The following EDIL3 variants were observed in gnomAD, a reference collection of about 807,000 sequenced individuals.
EDIL3 encodes EGF like and discoidin domains 3.
Under a neutral mutation model 67.4 loss-of-function variants are expected in EDIL3, and 37 were observed. The ratio of observed to expected loss-of-function variants is 0.55; its 90% confidence interval spans 0.42 to 0.72. EDIL3 has a LOEUF of 0.72. Ranked by LOEUF, EDIL3 falls within the 30% of genes least tolerant of loss-of-function variation. EDIL3 has a pLI of 0.00. For missense variants in EDIL3, 527 were observed against 586.3 expected, an observed-to-expected ratio of 0.90 and a Z score of 1.04; for synonymous variants, 195 against 196.3, an observed-to-expected ratio of 0.99 and a Z score of 0.05.
chr5:83,977,396 C>T (rs932917094), intron 9 of EDIL3, among the ~76,000 whole-genome samples: 1 of 151,776 alleles, frequency 6.6e-6, no homozygotes, highest in African/African-American at 2.4e-5. Flanking sequence ...GGAAGATTCT[C>T]AATCAATTTT....
intron 3 of EDIL3, among the ~76,000 whole-genome samples, chr5:84,216,796 T>C (rs1744234777): frequency 6.6e-6 from 1 of 152,234 alleles, no homozygotes; most frequent in Non-Finnish European, 1.5e-5. Flanking sequence ...AGATTTCCTG[T>C]GCAGTCCCTA....
At chr5:84,213,687 T>C (rs1744173850) in intron 3 of EDIL3, among the ~76,000 whole-genome samples, 2 of 152,200 alleles carry the variant, frequency 1.3e-5, no homozygotes, top group African/African-American at 4.8e-5. Context: ...TAAATCTTGT[T>C]GAATTCTAGC....
intron 1 of EDIL3, among the ~76,000 whole-genome samples, chr5:84,281,042 C>G (rs916344882): frequency 4.0e-5 from 6 of 151,764 alleles, no homozygotes; most frequent in Non-Finnish European, 7.4e-5. Flanking sequence ...TTGCAAAGCC[C>G]TGAGAACAGT....
rs1271070327 is a variant in EDIL3 at position 84,031,334 on chromosome 5, G to C, written c.1137+28966C>G. Among the ~76,000 whole-genome samples, 5 of 152,098 alleles carry C rather than the reference G, an allele frequency of 3.3e-5. No homozygotes were observed. The East Asian group carries it at 9.6e-4, about 29-fold the overall frequency. The stretch of plus-strand genomic sequence containing the variant: ...TTGTTTGACATATTTTTCAAGCTTT[G>C]ACTGGATGTTTTGGCATTAAGAAAT... On this transcript the variant is annotated intron_variant, in intron 9 of 10. Transcript: ENST00000296591.
chr5:84,168,671 T>C (rs1000685126), intron 4 of EDIL3, among the ~76,000 whole-genome samples: 3 of 152,174 alleles, frequency 2.0e-5, no homozygotes, highest in Admixed American at 6.6e-5. Context: ...CTGGTCGTAA[T>C]TGACTTCAAA....
At chr5:84,337,452 G>A (rs1271371596) in intron 1 of EDIL3, among the ~76,000 whole-genome samples, 1 of 151,880 alleles carries the variant, frequency 6.6e-6, no homozygotes, top group African/African-American at 2.4e-5. Flanking sequence ...AGAGAGTATA[G>A]GTAACTAATA....
In EDIL3 at chr5:84,300,741, A is replaced by C. The variant is rs541732105; in HGVS notation, c.68-46529T>G. Among the ~76,000 whole-genome samples, 16 of 152,324 alleles carry C rather than the reference A, an allele frequency of 1.1e-4. No homozygotes were observed. In the South Asian group the frequency reaches 2.3e-3, roughly 22 times the overall value. On this transcript the variant is annotated intron_variant, in intron 1 of 10. Coordinates refer to ENST00000296591, the MANE Select transcript of EDIL3 (RefSeq NM_005711.5). ...AGTGCTTCCATTTATAATTGCCTCA[A>C]AACTACACTCTTAGGTAAACTGTAT... is the stretch of plus-strand genomic sequence containing the variant.
At chr5:84,029,869 A>C (rs1745886635) in intron 9 of EDIL3, among the ~76,000 whole-genome samples, 1 of 152,212 alleles carries the variant, frequency 6.6e-6, no homozygotes, top group East Asian at 1.9e-4. Flanking sequence ...CACCCAGGGA[A>C]AGATAAATAA....
intron 9 of EDIL3, among the ~76,000 whole-genome samples, chr5:84,054,228 T>G (rs1561416427): frequency 6.6e-6 from 1 of 152,208 alleles, no homozygotes; most frequent in South Asian, 2.1e-4. Context: ...TCTCAATAGA[T>G]GCAGAAAAGG....
At chr5:84,161,466 A>G (rs1343694090) in intron 4 of EDIL3, among the ~76,000 whole-genome samples, 1 of 152,028 alleles carries the variant, frequency 6.6e-6, no homozygotes, top group East Asian at 1.9e-4. Context: ...TTAAAAAAAG[A>G]GCTTCACAGT....
chr5:84,250,306 TGG>T (rs1319132984), intron 2 of EDIL3, among the ~76,000 whole-genome samples: 1 of 152,074 alleles, frequency 6.6e-6, no homozygotes, highest in Non-Finnish European at 1.5e-5. Context: ...TAGCTGTGTG[TGG>T]GGATACAGAG....
intron 4 of EDIL3, among the ~76,000 whole-genome samples, chr5:84,149,542 C>A (rs1748350563): frequency 6.6e-6 from 1 of 152,100 alleles, no homozygotes; most frequent in Non-Finnish European, 1.5e-5. Context: ...TTCCAAATAA[C>A]CTAACTATAT....
chr5:84,044,062 C>T (rs908255176), intron 9 of EDIL3, among the ~76,000 whole-genome samples: 2 of 151,992 alleles, frequency 1.3e-5, no homozygotes, highest in African/African-American at 4.8e-5. Context: ...TCTCCTTGAC[C>T]CCACCCCTCG....
chr5:84,369,033 G>A (rs1485573623), intron 1 of EDIL3, among the ~76,000 whole-genome samples: 2 of 151,748 alleles, frequency 1.3e-5, no homozygotes, highest in African/African-American at 4.8e-5. Flanking sequence ...GAATGCTATA[G>A]CTGCTGTGAA....
At chr5:84,350,141 T>G (rs1747325377) in intron 1 of EDIL3, among the ~76,000 whole-genome samples, 2 of 152,136 alleles carry the variant, frequency 1.3e-5, no homozygotes, top group African/African-American at 2.4e-5. Flanking sequence ...GGTATTTATG[T>G]CTCAATATTA....
At chr5:84,238,717 G>C (rs1289153577) in intron 2 of EDIL3, among the ~76,000 whole-genome samples, 1 of 119,024 alleles carries the variant, frequency 8.4e-6, no homozygotes, top group Non-Finnish European at 1.6e-5. Flanking sequence ...AAGGAAAATA[G>C]TGTATCCACA....
chr5:84,019,051 G>T (rs536795399), intron 9 of EDIL3, among the ~76,000 whole-genome samples: 3 of 152,158 alleles, frequency 2.0e-5, no homozygotes, highest in East Asian at 3.9e-4. Flanking sequence ...CTGGGTATAT[G>T]CCCAAAGGAT....
intron 6 of EDIL3, among the ~76,000 whole-genome samples, chr5:84,094,602 C>T (rs565341936): frequency 3.3e-5 from 5 of 152,022 alleles, no homozygotes; most frequent in South Asian, 4.2e-4. Context: ...ATATCAAAAA[C>T]GTTTTTATAC....
chr5:83,941,111 G>C lies in EDIL3; in HGVS notation c.*2308C>G, dbSNP rs1007975987. On this transcript the variant is annotated 3_prime_UTR_variant, in exon 11 of 11. Coordinates refer to ENST00000296591, the MANE Select transcript of EDIL3 (RefSeq NM_005711.5). ...TACTTCACTTTCATGTCATCGACAT[G>C]AATGACACAAAAGCTACTTCATAAT... 3.3e-5 allele frequency: 5 copies of C among 151,954 alleles called. No individual in the cohort carries two copies. Among genetic ancestry groups the C allele is most frequent in the African/African-American group, 1.2e-4 (5 of 41,440 alleles). 9.4% of individuals were successfully genotyped at this position (151,954 alleles called of 1,614,324 possible).
Sources: gnomAD v4.1 joint callset for allele counts (sites outside exome capture counted in the v4.1 genomes callset) on GRCh38, gnomAD v4.1.1 for gene constraint, MANE v1.5 for transcripts, NCBI Gene and HGNC (gene_info 2026-07-23, HGNC 2026-07-21) for gene names.